ATPAF2: variants seen among roughly 807,000 people sequenced by gnomAD.
ATPAF2 encodes ATP12 homolog.
Under a neutral mutation model 36.6 loss-of-function variants are expected in ATPAF2, and 30 were observed. The observed-to-expected ratio is 0.82, with a 90% CI of 0.61 to 1.11. The LOEUF is 1.11. Among genes scored for constraint, ATPAF2 ranks in the 50% most tolerant of loss-of-function variants. The pLI is 0.00. For synonymous variants in ATPAF2, 140 were observed against 152.6 expected, an observed-to-expected ratio of 0.92 and a Z score of 0.61; for missense variants, 321 against 372.3, an observed-to-expected ratio of 0.86 and a Z score of 1.13.
At chr17:18,033,195 C>G (rs1004811147) in intron 1 of ATPAF2, among the ~76,000 whole-genome samples, 1 of 151,724 alleles carries the variant, frequency 6.6e-6, no homozygotes, top group East Asian at 1.9e-4. Flanking sequence ...ATGGTGAAAC[C>G]CTGTCTCTAC....
Position 18,026,372 on chromosome 17 carries a change from G to A in ATPAF2, c.369C>T (p.Asn123=). Reference sequence around the variant, plus strand: ...CGGCTGCCCGGATCAGCTGATCCTTGTTTCTCTGGGTTGGGTTGTCCAATG... The same window carrying A: ...CGGCTGCCCGGATCAGCTGATCCTTATTTCTCTGGGTTGGGTTGTCCAATG... The part of the protein sequence containing the change: ...NTSLDNPTQR[N]KDQLIRAAVK... Residue 123 remains asparagine, a synonymous_variant, in exon 4 of 8, where the codon AAC becomes AAT. Transcript: ENST00000474627. 5 of 1,614,218 alleles carry A rather than the reference G, an allele frequency of 3.1e-6. No individual in the cohort carries two copies. The highest frequency in any genetic ancestry group is 4.2e-6 in the Non-Finnish European group (5 of 1,180,036).
At chr17:18,032,426 AC>A (rs2044649124) in intron 1 of ATPAF2, among the ~76,000 whole-genome samples, 1 of 152,238 alleles carries the variant, frequency 6.6e-6, no homozygotes, top group South Asian at 2.1e-4. Context: ...GGAAGAAGCC[AC>A]CAAAAATTTC....
intron 1 of ATPAF2, 145 bp from the exon 2 acceptor site, chr17:18,028,804 A>G (rs113651520): frequency 2.6e-5 from 21 of 792,590 alleles, no homozygotes; most frequent in African/African-American, 2.0e-4. Context: ...CCTACTCAAC[A>G]CGGTATAATC....
chr17:18,017,477 G>C (rs1295789175), downstream of ATPAF2, among the ~76,000 whole-genome samples: 1 of 152,238 alleles, frequency 6.6e-6, no homozygotes, highest in African/African-American at 2.4e-5. Flanking sequence ...ACAGTGCTGG[G>C]GCCTGGGCCT....
At chr17:18,036,612 C>T (rs1489387982) in intron 1 of ATPAF2, among the ~76,000 whole-genome samples, 2 of 151,334 alleles carry the variant, frequency 1.3e-5, no homozygotes, top group African/African-American at 2.4e-5. Flanking sequence ...CTGATTTATG[C>T]ACCTCCCTTC....
At chr17:18,027,217 T>TAA (rs1397146251) in intron 3 of ATPAF2, among the ~76,000 whole-genome samples, 1 of 141,308 alleles carries the variant, frequency 7.1e-6, no homozygotes. Flanking sequence ...TTAGACTGTT[T>TAA]AAAAAAAAAA....
At chr17:18,015,617 C>T (rs2044331205), downstream of ATPAF2, 2 of 159,426 alleles carry the variant, frequency 1.3e-5, no homozygotes, top group Non-Finnish European at 2.8e-5. Context: ...GGTGAACACC[C>T]ATGAGTTTGT....
chr17:18,021,625 G>T, intron 6 of ATPAF2, 120 bp downstream of exon 6: 1 of 905,440 alleles, frequency 1.1e-6, no homozygotes, highest in Non-Finnish European at 1.9e-6. Context: ...TCCACACTCA[G>T]CTAGCCCAGA....
At chr17:18,020,991 T>C in intron 7 of ATPAF2, 132 bp downstream of exon 7, 1 of 1,461,434 alleles carries the variant, frequency 6.8e-7, no homozygotes, top group Non-Finnish European at 9.1e-7. Flanking sequence ...GGTCCTTGAT[T>C]TTGATTTCTG....
chr17:18,021,645 G>A, intron 6 of ATPAF2, 100 bp downstream of exon 6: 2 of 1,027,674 alleles, frequency 1.9e-6, no homozygotes, highest in Admixed American at 1.7e-5. Context: ...AACACTCTGT[G>A]CCTCTCCACT....
intron 4 of ATPAF2, chr17:18,025,115 C>G (rs900831298): frequency 3.1e-5 from 10 of 326,148 alleles, no homozygotes; most frequent in South Asian, 1.8e-4. Context: ...TGGGTCCACA[C>G]CCGCTTGACC....
chr17:18,031,874 G>C (rs2044641454), intron 1 of ATPAF2, among the ~76,000 whole-genome samples: 1 of 152,084 alleles, frequency 6.6e-6, no homozygotes, highest in Non-Finnish European at 1.5e-5. Context: ...TCACAACACT[G>C]ATTATCTCAT....
intron 7 of ATPAF2, chr17:18,020,913 A>T: frequency 7.7e-7 from 1 of 1,296,316 alleles, no homozygotes; most frequent in Non-Finnish European, 1.0e-6. Flanking sequence ...CATCCTCCTC[A>T]GCCACCCAAA....
downstream of ATPAF2, chr17:18,015,181 A>C (rs2044311483): frequency 6.6e-6 from 1 of 152,248 alleles, no homozygotes. Flanking sequence ...TTGACCAAAG[A>C]ATACTTTTTT....
intron 1 of ATPAF2, among the ~76,000 whole-genome samples, chr17:18,029,622 ACT>A (rs2044598498): frequency 6.6e-6 from 1 of 151,268 alleles, no homozygotes; most frequent in Admixed American, 6.6e-5. Context: ...ATGGCGTCTC[ACT>A]CTCTTGCCCA....
At chr17:18,026,724 C>T (rs2044551065) in intron 3 of ATPAF2, 1 of 472,084 alleles carries the variant, frequency 2.1e-6, no homozygotes, top group South Asian at 2.2e-5. Context: ...ATTTAATCCT[C>T]ACAACAACCT....
At chr17:18,028,152 T>A (rs1235134804) in intron 3 of ATPAF2, 80 bp downstream of exon 3, 2 of 1,567,304 alleles carry the variant, frequency 1.3e-6, no homozygotes, top group Non-Finnish European at 8.8e-7. Flanking sequence ...CCCAGGGCCT[T>A]GTCGGAATTT....
downstream of ATPAF2, chr17:18,015,797 G>A: frequency 2.7e-6 from 1 of 371,656 alleles, no homozygotes; most frequent in Non-Finnish European, 5.0e-6. Context: ...CCTTCACCCT[G>A]GAGGAAACAT....
intron 1 of ATPAF2, among the ~76,000 whole-genome samples, chr17:18,035,231 A>T (rs2145522595): frequency 6.6e-6 from 1 of 152,182 alleles, no homozygotes; most frequent in East Asian, 1.9e-4. Context: ...CCAATCTCTT[A>T]AAAACAAAAA....
Sources: gnomAD v4.1 joint callset for allele counts (sites outside exome capture counted in the v4.1 genomes callset) on GRCh38, gnomAD v4.1.1 for gene constraint, MANE v1.5 for transcripts, NCBI Gene and HGNC (gene_info 2026-07-23, HGNC 2026-07-21) for gene names.